Variants in CDKL1 observed in about 807,000 individuals in gnomAD.
CDKL1 encodes the protein cyclin-dependent kinase-like 1.
Under a neutral mutation model 42.0 loss-of-function variants are expected in CDKL1, and 41 were observed. The ratio of observed to expected loss-of-function variants is 0.98; its 90% CI spans 0.76 to 1.27. The LOEUF is 1.27. Among genes scored for constraint, CDKL1 ranks in the 50% most tolerant of loss-of-function variants. The pLI is 0.00. For synonymous variants in CDKL1, 153 were observed against 158.6 expected, an observed-to-expected ratio of 0.96 and a Z score of 0.26; for missense variants, 394 against 428.4, an observed-to-expected ratio of 0.92 and a Z score of 0.71.
chr14:50,386,879 C>A (rs188462922), intron 2 of CDKL1, among the ~76,000 whole-genome samples: 29 of 151,864 alleles, frequency 1.9e-4, no homozygotes, highest in African/African-American at 6.8e-4. Context: ...ACACAAAAAC[C>A]AGCCAGGTGT....
chr14:50,389,643 T>A (rs1261761037), intron 2 of CDKL1, among the ~76,000 whole-genome samples: 5 of 152,084 alleles, frequency 3.3e-5, no homozygotes, highest in African/African-American at 1.2e-4. Flanking sequence ...TACAAAGGTT[T>A]GTACAAAGGT....
At chr14:50,334,899 G>C in intron 7 of CDKL1, 14 of 234,776 alleles carry the variant, frequency 6.0e-5, no homozygotes, top group East Asian at 8.5e-5. Flanking sequence ...AAATACTAAT[G>C]AAAAAAAACT....
chr14:50,344,197 G>A (rs1476053101), intron 4 of CDKL1, among the ~76,000 whole-genome samples: 1 of 152,204 alleles, frequency 6.6e-6, no homozygotes, highest in Non-Finnish European at 1.5e-5. Context: ...GTGGCCAGGA[G>A]TGTCACAGGC....
At chr14:50,349,764 TTTG>T (rs2033842306) in intron 3 of CDKL1, among the ~76,000 whole-genome samples, 1 of 142,382 alleles carries the variant, frequency 7.0e-6, no homozygotes, top group South Asian at 2.2e-4. Context: ...GTTGTTGTTG[TTTG>T]TTTTTTGTTT....
At chr14:50,385,047 G>A (rs2035033043) in intron 2 of CDKL1, among the ~76,000 whole-genome samples, 1 of 125,844 alleles carries the variant, frequency 7.9e-6, no homozygotes, top group East Asian at 2.5e-4. Context: ...CTTAAGCCTG[G>A]GTGACAGAGC....
intron 2 of CDKL1, among the ~76,000 whole-genome samples, chr14:50,394,014 T>C (rs991715091): frequency 6.6e-6 from 1 of 152,184 alleles, no homozygotes; most frequent in Non-Finnish European, 1.5e-5. Context: ...AGAGGCAAGG[T>C]CTCCATCCCA....
At chr14:50,359,251 C>T in intron 2 of CDKL1, 102 bp from the exon 3 acceptor site, 1 of 1,334,900 alleles carries the variant, frequency 7.5e-7, no homozygotes, top group Non-Finnish European at 1.0e-6. Context: ...TTAAGAATTT[C>T]ATTCTTAGAT....
intron 2 of CDKL1, among the ~76,000 whole-genome samples, chr14:50,388,511 G>A (rs1030681109): frequency 5.3e-5 from 8 of 152,192 alleles, no homozygotes; most frequent in Non-Finnish European, 1.0e-4. Context: ...TGCCTCCAGC[G>A]CCTCCGTTGG....
chr14:50,340,983 C>G (rs769453928), intron 6 of CDKL1, 49 bp downstream of exon 6: 38 of 1,594,574 alleles, frequency 2.4e-5, no homozygotes, highest in Non-Finnish European at 2.9e-5. Context: ...CTGCCCCAAC[C>G]TGGGGAAATA....
intron 2 of CDKL1, chr14:50,380,377 G>A (rs1041684089): frequency 2.1e-5 from 8 of 384,742 alleles, no homozygotes; most frequent in Non-Finnish European, 3.7e-5. Context: ...TGCAGCAGCT[G>A]GGCCAGATAT....
At chr14:50,371,744 A>T (rs897077050) in intron 2 of CDKL1, among the ~76,000 whole-genome samples, 1 of 152,230 alleles carries the variant, frequency 6.6e-6, no homozygotes, top group Non-Finnish European at 1.5e-5. Flanking sequence ...AGGCAGCTGC[A>T]GACACCCAGT....
At chr14:50,336,334 A>T in intron 7 of CDKL1, 1 of 1,061,528 alleles carries the variant, frequency 9.4e-7, no homozygotes, top group South Asian at 1.6e-5. Flanking sequence ...TCTTACATTT[A>T]TGAAACCTGG....
intron 2 of CDKL1, among the ~76,000 whole-genome samples, chr14:50,366,740 C>CAGAATA (rs2034446791): frequency 2.0e-5 from 3 of 152,006 alleles, no homozygotes; most frequent in African/African-American, 7.3e-5. Context: ...ATGTGGTGAT[C>CAGAATA]GGCTGGAGGT....
chr14:50,349,970 C>T (rs1308532557), intron 3 of CDKL1, among the ~76,000 whole-genome samples: 1 of 152,148 alleles, frequency 6.6e-6, no homozygotes, highest in Admixed American at 6.5e-5. Context: ...GGTTTCGCCA[C>T]GTTGGCCATG....
chr14:50,354,292 A>G (rs1479931301), intron 3 of CDKL1, among the ~76,000 whole-genome samples: 5 of 152,200 alleles, frequency 3.3e-5, no homozygotes, highest in African/African-American at 1.2e-4. Flanking sequence ...AAAATTTGCA[A>G]CAAACAACAT....
chr14:50,386,284 T>C (rs567705932), intron 2 of CDKL1, among the ~76,000 whole-genome samples: 1 of 151,830 alleles, frequency 6.6e-6, no homozygotes, highest in South Asian at 2.1e-4. Flanking sequence ...ATAAATAAAT[T>C]AGTCAGGCAC....
intron 2 of CDKL1, among the ~76,000 whole-genome samples, chr14:50,366,050 T>A (rs1462934122): frequency 1.3e-5 from 2 of 152,158 alleles, no homozygotes; most frequent in African/African-American, 4.8e-5. Flanking sequence ...TGGGACTTCA[T>A]CTTGTGATCA....
intron 2 of CDKL1, among the ~76,000 whole-genome samples, chr14:50,365,233 G>A (rs2034404036): frequency 1.3e-5 from 2 of 152,104 alleles, no homozygotes; most frequent in African/African-American, 4.8e-5. Context: ...CCAGCTTTAA[G>A]GAGCCTATAG....
chr14:50,359,041 T>C lies in CDKL1; in HGVS notation c.277A>G (p.Arg93Gly), dbSNP rs2034155298. 1 of 1,612,358 alleles carries C rather than the reference T, an allele frequency of 6.2e-7. No individual in the cohort carries two copies. The highest frequency in any genetic ancestry group is 1.7e-5 in the Admixed American group (1 of 59,956). Reference sequence around the variant, plus strand: ...TGGATCACTCACCCTCTTTGGTATCTGTCCAACTCATGGAGAACTGTGTGG... The same window carrying C: ...TGGATCACTCACCCTCTTTGGTATCCGTCCAACTCATGGAGAACTGTGTGG... ...CDHTVLHELD[R>G]YQRGVPEHLV... is the part of the protein sequence containing the mutation. The change falls in exon 3 of 10, where the codon AGA (arginine) becomes GGA (glycine). Residue 93 changes from arginine (R) to glycine (G), a missense_variant. Physicochemically the swap from Arg to Gly is moderately radical, Grantham distance 125. Coordinates refer to ENST00000395834, the MANE Select transcript of CDKL1 (RefSeq NM_004196.7).
Sources: allele counts gnomAD v4.1 joint callset (sites outside exome capture counted in the v4.1 genomes callset), GRCh38; gene constraint gnomAD v4.1.1; transcripts MANE v1.5; gene names NCBI Gene and HGNC (gene_info 2026-07-23, HGNC 2026-07-21).